Variants in KDR observed in about 807,000 individuals in gnomAD.
KDR encodes the protein kinase insert domain receptor.
Under a neutral mutation model 160.9 loss-of-function variants are expected in KDR, and 43 were observed. The observed-to-expected ratio is 0.27, with a 90% CI of 0.21 to 0.34. The LOEUF is 0.34. Among genes scored for constraint, KDR ranks in the 10% least tolerant of loss-of-function variants. The pLI is 1.00. For missense variants in KDR, 1,469 were observed against 1,666.4 expected (o/e 0.88, Z 2.06); for synonymous variants, 617 against 600.1 (o/e 1.03, Z -0.41).
At chr4:55,123,175 A>T (rs188102942) in intron 1 of KDR, among the ~76,000 whole-genome samples, 4 of 152,330 alleles carry the variant, frequency 2.6e-5, no homozygotes, top group Admixed American at 2.0e-4. Context: ...CACTTTGTCT[A>T]AGAAAAGGAA....
Position 55,115,273 on chromosome 4 carries a change from C to G in KDR, c.489+8G>C. On this transcript the variant is annotated splice_region_variant and intron_variant, in intron 4 of 29. Coordinates refer to ENST00000263923, the MANE Select transcript of KDR (RefSeq NM_002253.4). ...ACTTAAGAGACGATTGGAGGAGATG[C>G]AACTTACTGCACAAAGTGACACGTT... 1 of 1,592,972 alleles carries G rather than the reference C, an allele frequency of 6.3e-7. No individual in the cohort carries two copies. Among genetic ancestry groups the G allele is most frequent in the Non-Finnish European group, 8.6e-7 (1 of 1,164,804 alleles).
At chr4:55,105,326 T>G (rs190727417) in intron 12 of KDR, among the ~76,000 whole-genome samples, 46 of 152,342 alleles carry the variant, frequency 3.0e-4, no homozygotes, top group Admixed American at 3.0e-3. Context: ...CTCAATGATA[T>G]GAAAGCTACA....
rs764489577 is a variant in KDR, at chr4:55,092,697, T to C, written c.2989A>G (p.Lys997Glu). ...AGATGCTCCAAGGTCAGGAAGTCCT[T>C]ATACAGATCTTCAGGAGCTGTCCAA... ...EEEEAPEDLY[K>E]DFLTLEHLIC... Residue 997 changes from lysine to glutamate, a missense_variant, in exon 22 of 30, where the codon AAG (lysine) becomes GAG (glutamate). By Grantham distance (56) the Lys-to-Glu change is moderately conservative (BLOSUM62 1). Around this residue, in one of 7 missense-constraint regions of KDR, gnomAD observed 151 missense variants for 207.2 expected, o/e 0.73. Transcript: ENST00000263923. 7 of 1,613,290 alleles carry C rather than the reference T, an allele frequency of 4.3e-6. No homozygotes were observed. The highest frequency in any genetic ancestry group is 3.3e-5 in the South Asian group (3 of 91,062).
At chr4:55,108,622 T>G (rs1720500462) in intron 9 of KDR, among the ~76,000 whole-genome samples, 2 of 152,130 alleles carry the variant, frequency 1.3e-5, no homozygotes, top group African/African-American at 4.8e-5. Flanking sequence ...CACCTCATGT[T>G]AAAGGAAGGT....
chr4:55,108,903 A>T (rs1457859426), intron 9 of KDR, among the ~76,000 whole-genome samples: 1 of 152,140 alleles, frequency 6.6e-6, no homozygotes, highest in Non-Finnish European at 1.5e-5. Context: ...ATAGCAGAGA[A>T]TTTGCTAAAG....
Position 55,115,330 on chromosome 4 carries a change from A to G in KDR, c.440T>C (p.Val147Ala), listed in dbSNP as rs935833761. ...TGAAATGGACCCGAGACATGGAATC[A>G]CCACAGTTTTGTTTTTGTTCTCAGT... ...YITENKNKTVVIPCLGSISNL... is the reference protein window; with the variant it reads ...YITENKNKTVAIPCLGSISNL... Residue 147 changes from valine to alanine, a missense_variant, in exon 4 of 30, where the codon GTG becomes GCG. This residue lies in a region of KDR where 792 missense variants were observed against 840.9 expected (regional missense o/e 0.94). Transcript: ENST00000263923. 1.2e-6 allele frequency: 2 copies of G among 1,607,248 alleles called. No homozygotes were observed. Among genetic ancestry groups the G allele is most frequent in the African/African-American group, 2.7e-5 (2 of 74,762 alleles).
Position 55,113,484 on chromosome 4 carries a change from GA to G in KDR, c.799-4del, listed in dbSNP as rs758098424. The G allele has an allele frequency of 2.5e-6, 4 of 1,613,190 alleles. No individual in the cohort carries two copies. Among genetic ancestry groups the G allele is most frequent in the Admixed American group, 1.7e-5 (1 of 59,882 alleles). ...TTTACAAGTTTCTTATGCTGATGCT[GA>G]AAAAAAGAGTTGACTGAACTTCCAA... On this transcript the variant is annotated splice_polypyrimidine_tract_variant and splice_region_variant and intron_variant, in intron 6 of 29. Coordinates refer to ENST00000263923, the MANE Select transcript of KDR (RefSeq NM_002253.4).
intron 25 of KDR, 114 bp downstream of exon 25, chr4:55,089,260 A>G: frequency 1.3e-6 from 1 of 773,570 alleles, no homozygotes; most frequent in Middle Eastern, 2.3e-4. Flanking sequence ...GCCCCAAAGT[A>G]AAAGCAGGAC....
chr4:55,086,239 G>A (rs10008360), intron 27 of KDR, among the ~76,000 whole-genome samples: 18,799 of 152,130 alleles, frequency 0.12, 3,130 homozygotes, highest in African/African-American at 0.38. Context: ...CACTTAATAG[G>A]TATCTTTTAC....
In KDR at chr4:55,089,995, C is replaced by G. The variant is rs761646311; in HGVS notation, c.3153G>C (p.Arg1051=). The G allele has an allele frequency of 6.2e-7, 1 of 1,613,972 alleles. No individual in the cohort carries two copies. The highest frequency in any genetic ancestry group is 1.7e-5 in the Admixed American group (1 of 60,016). The stretch of plus-strand genomic sequence containing the variant: ...CATAATCTGGATCTTTATAAATATC[C>G]CGGGCCAAGCCAAAGTCACAGATTT... ...VVKICDFGLA[R]DIYKDPDYVR... is the part of the protein sequence containing the mutation. The change falls in exon 23 of 30, where the codon CGG becomes CGC. Residue 1051 remains arginine (R), a synonymous_variant. Coordinates refer to ENST00000263923, the MANE Select transcript of KDR (RefSeq NM_002253.4).
intron 6 of KDR, among the ~76,000 whole-genome samples, 177 bp downstream of exon 6, chr4:55,113,949 T>C (rs576213542): frequency 2.6e-5 from 4 of 152,202 alleles, no homozygotes; most frequent in Non-Finnish European, 5.9e-5. Context: ...GTGCTATCTG[T>C]TCTGCAATTC....
chr4:55,118,803 G>GA lies in KDR; in HGVS notation c.162-4dup. 1.2e-6 allele frequency: 2 copies of GA among 1,613,282 alleles called. No homozygotes were observed. The highest frequency in any genetic ancestry group is 1.7e-6 in the Non-Finnish European group (2 of 1,179,290). On this transcript the variant is annotated splice_polypyrimidine_tract_variant and splice_region_variant and intron_variant, in intron 2 of 29. Transcript: ENST00000263923. ...GCCAGTCCAAGTCCCTCTGTCCCCT[G>GA]AAAAATTAATTTCAGGGAGGTATTA... is the stretch of plus-strand genomic sequence containing the variant.
At chr4:55,107,062 C>A (rs777848973) in intron 10 of KDR, among the ~76,000 whole-genome samples, 1 of 152,100 alleles carries the variant, frequency 6.6e-6, no homozygotes, top group Admixed American at 6.5e-5. Context: ...TAAATTGGAT[C>A]GACAAGACAA....
intron 21 of KDR, among the ~76,000 whole-genome samples, chr4:55,093,043 T>G (rs1452432319): frequency 6.6e-6 from 1 of 152,182 alleles, no homozygotes; most frequent in African/African-American, 2.4e-5. Flanking sequence ...TTTTTTGTCA[T>G]GTACCCAGAG....
chr4:55,107,974 A>T, intron 9 of KDR, 81 bp from the exon 10 acceptor site: 1 of 1,501,556 alleles, frequency 6.7e-7, no homozygotes, highest in Non-Finnish European at 9.3e-7. Flanking sequence ...ACTAAAGCTG[A>T]CTTTCTTTAA....
At chr4:55,083,949 G>A (rs1272202971) in intron 27 of KDR, among the ~76,000 whole-genome samples, 32 of 152,136 alleles carry the variant, frequency 2.1e-4, no homozygotes, top group Admixed American at 2.1e-3. Flanking sequence ...AACACTACTG[G>A]TACCGTAGTC....
chr4:55,099,920 G>A (rs1333968721), intron 15 of KDR, among the ~76,000 whole-genome samples: 1 of 152,162 alleles, frequency 6.6e-6, no homozygotes, highest in East Asian at 1.9e-4. Flanking sequence ...GGTAATGGGA[G>A]TTTCAAATCA....
Position 55,079,407 on chromosome 4 carries a change from A to G in KDR, c.*534T>C. On this transcript the variant is annotated 3_prime_UTR_variant, in exon 30 of 30. Coordinates refer to ENST00000263923, the MANE Select transcript of KDR (RefSeq NM_002253.4). ...CAAACACAATGCATTTGCAGGCTCC[A>G]GTACTCTCCAAAGCAAGGTAACGTT... is the stretch of plus-strand genomic sequence containing the variant. 1 of 269,518 alleles carries G rather than the reference A, an allele frequency of 3.7e-6. No homozygotes were observed. Among genetic ancestry groups the G allele is most frequent in the Non-Finnish European group, 7.2e-6 (1 of 138,944 alleles). 16.7% of individuals were successfully genotyped at this position (269,518 alleles called of 1,614,324 possible).
In KDR at chr4:55,101,552, C is replaced by T. The variant is rs184256655; in HGVS notation, c.2266+345G>A. On this transcript the variant is annotated intron_variant, in intron 15 of 29. Coordinates refer to ENST00000263923, the MANE Select transcript of KDR (RefSeq NM_002253.4). Reference sequence around the variant, plus strand: ...GTGCAGAATGCTCAGGTTTGTTACACAGGTAAACATGTGCCATGGTGATTT... The same window carrying T: ...GTGCAGAATGCTCAGGTTTGTTACATAGGTAAACATGTGCCATGGTGATTT... Among the ~76,000 whole-genome samples, 178 of 152,150 alleles carry T rather than the reference C, an allele frequency of 1.2e-3. 1 individual carries two copies. The highest frequency in any genetic ancestry group is 1.5e-3 in the Non-Finnish European group (100 of 68,010).
Sources: allele counts gnomAD v4.1 joint callset (sites outside exome capture counted in the v4.1 genomes callset), GRCh38; gene constraint gnomAD v4.1.1; regional missense constraint gnomAD v4.1.1; transcripts MANE v1.5; gene names NCBI Gene and HGNC (gene_info 2026-07-23, HGNC 2026-07-21).